The following KCNH8 variants were observed in gnomAD, a reference collection of about 807,000 sequenced individuals.
The protein encoded by KCNH8 is voltage-gated delayed rectifier potassium channel KCNH8.
In KCNH8, 70 loss-of-function variants were observed where a neutral mutation model predicts 103.6. The observed-to-expected ratio is 0.68, with a 90% CI of 0.56 to 0.82. The LOEUF (loss-of-function observed/expected upper bound fraction) is 0.82, where lower values mean the gene tolerates loss of function less well. Among genes scored for constraint, KCNH8 ranks in the 40% least tolerant of loss-of-function variants. KCNH8 has a pLI of 0.00. For missense variants in KCNH8, 1,217 were observed against 1,329.9 expected (o/e 0.92, Z 1.32); for synonymous variants, 498 against 489.4 (o/e 1.02, Z -0.23).
intron 11 of KCNH8, among the ~76,000 whole-genome samples, chr3:19,505,495 T>G (rs2125237360): frequency 6.6e-6 from 1 of 152,240 alleles, no homozygotes; most frequent in South Asian, 2.1e-4. Flanking sequence ...GGCCCACAAT[T>G]TCTCCTGGCT....
intron 1 of KCNH8, among the ~76,000 whole-genome samples, chr3:19,176,097 A>T (rs2063397165): frequency 6.6e-6 from 1 of 152,154 alleles, no homozygotes; most frequent in Non-Finnish European, 1.5e-5. Flanking sequence ...TTCTCAGAAA[A>T]TATGTCCAGC....
chr3:19,390,759 C>A (rs1238207623), intron 6 of KCNH8, 121 bp downstream of exon 6: 2 of 889,318 alleles, frequency 2.2e-6, no homozygotes, highest in Non-Finnish European at 3.4e-6. Flanking sequence ...AATAAAGATG[C>A]CCTGATGCCC....
rs1438415668 is a variant in KCNH8 at position 19,534,114 on chromosome 3, A to C, written c.*15A>C. 1 of 1,580,604 alleles carries C rather than the reference A, an allele frequency of 6.3e-7. No individual in the cohort carries two copies. Among genetic ancestry groups the C allele is most frequent in the Admixed American group, 1.7e-5 (1 of 59,246 alleles). On this transcript the variant is annotated 3_prime_UTR_variant, in exon 16 of 16. Coordinates refer to ENST00000328405, the MANE Select transcript of KCNH8 (RefSeq NM_144633.3). ...TAAATGTATGATATTAGTGCCCATG[A>C]TGCAGCAGCTAATTTCAAACCTACC...
intron 3 of KCNH8, among the ~76,000 whole-genome samples, chr3:19,328,881 G>A (rs1035606407): frequency 1.3e-5 from 2 of 151,898 alleles, no homozygotes; most frequent in Non-Finnish European, 2.9e-5. Flanking sequence ...TTTTCTTTTG[G>A]TGGGTGTTGC....
At chr3:19,253,303 T>C (rs1424992049) in intron 1 of KCNH8, among the ~76,000 whole-genome samples, 1 of 152,094 alleles carries the variant, frequency 6.6e-6, no homozygotes, top group Non-Finnish European at 1.5e-5. Context: ...AGTAACTTTT[T>C]CAAATTCACC....
At chr3:19,358,151 C>T (rs1480493254) in intron 5 of KCNH8, among the ~76,000 whole-genome samples, 2 of 148,494 alleles carry the variant, frequency 1.3e-5, no homozygotes, top group Non-Finnish European at 3.0e-5. Context: ...GGCCTTCCTT[C>T]CTTCCTTTCT....
intron 2 of KCNH8, among the ~76,000 whole-genome samples, chr3:19,261,631 A>G (rs1241065780): frequency 3.3e-5 from 5 of 151,756 alleles, no homozygotes; most frequent in Non-Finnish European, 5.9e-5. Flanking sequence ...TTGCTTTTGT[A>G]GACTGAATTT....
chr3:19,241,755 C>A lies in KCNH8; in HGVS notation c.77-11899C>A, dbSNP rs1055991231. Among the ~76,000 whole-genome samples, 7 of 151,328 alleles carry A rather than the reference C, an allele frequency of 4.6e-5. No individual in the cohort carries two copies. The South Asian group carries it at 1.5e-3, about 32-fold the overall frequency. On this transcript the variant is annotated intron_variant, in intron 1 of 15. Coordinates refer to ENST00000328405, the MANE Select transcript of KCNH8 (RefSeq NM_144633.3). ...ACACACACACACACACACACACATG[C>A]TTGATAGAAGAGAAACCATTCCTGA...
intron 7 of KCNH8, among the ~76,000 whole-genome samples, chr3:19,396,600 A>G (rs529305272): frequency 6.6e-6 from 1 of 152,198 alleles, no homozygotes; most frequent in East Asian, 1.9e-4. Flanking sequence ...AAATGGGGAA[A>G]TAAAACTACC....
rs150513064 is a variant in KCNH8, at chr3:19,415,744, A to T, written c.1177+20433A>T. ...TTCTTTAATGCAATGTAAAAACAACAATTACTTTTGCACCAAACTAATATA... is the reference window on the plus strand; with the variant it reads ...TTCTTTAATGCAATGTAAAAACAACTATTACTTTTGCACCAAACTAATATA... On this transcript the variant is annotated intron_variant, in intron 7 of 15. Transcript: ENST00000328405. Among the ~76,000 whole-genome samples the T allele has an allele frequency of 6.0e-3, 916 of 152,138 alleles. 5 individuals are homozygous for T. Among genetic ancestry groups the T allele is most frequent in the Middle Eastern group, 0.017 (5 of 294 alleles).
chr3:19,393,633 A>G (rs1053037673), intron 6 of KCNH8, among the ~76,000 whole-genome samples: 2 of 152,084 alleles, frequency 1.3e-5, no homozygotes, highest in Non-Finnish European at 2.9e-5. Flanking sequence ...TTTAAATAAC[A>G]GAATAGAGAT....
chr3:19,240,169 G>T (rs1225236171), intron 1 of KCNH8, among the ~76,000 whole-genome samples: 3 of 152,068 alleles, frequency 2.0e-5, no homozygotes, highest in African/African-American at 7.2e-5. Flanking sequence ...TCATTTGATG[G>T]TTTCTCCTGA....
intron 3 of KCNH8, among the ~76,000 whole-genome samples, chr3:19,291,197 C>T (rs2064918509): frequency 6.6e-6 from 1 of 152,094 alleles, no homozygotes. Flanking sequence ...AAAACCAGCT[C>T]CTGGATTCAT....
chr3:19,470,405 T>G (rs533566226), intron 11 of KCNH8, among the ~76,000 whole-genome samples: 6 of 152,358 alleles, frequency 3.9e-5, no homozygotes, highest in African/African-American at 1.2e-4. Flanking sequence ...TCAGTAGACT[T>G]GCCATCTTAT....
At chr3:19,451,807 A>G (rs1288599089) in intron 10 of KCNH8, among the ~76,000 whole-genome samples, 1 of 152,190 alleles carries the variant, frequency 6.6e-6, no homozygotes, top group Admixed American at 6.5e-5. Context: ...AGAACACAAA[A>G]ATTAAATTGT....
chr3:19,373,060 G>T (rs1339752063), intron 5 of KCNH8, among the ~76,000 whole-genome samples: 5 of 151,888 alleles, frequency 3.3e-5, no homozygotes, highest in Non-Finnish European at 5.9e-5. Context: ...AAGGATATTG[G>T]TCTAAAATTC....
chr3:19,490,240 G>C (rs2068289715), intron 11 of KCNH8, among the ~76,000 whole-genome samples: 1 of 152,174 alleles, frequency 6.6e-6, no homozygotes, highest in African/African-American at 2.4e-5. Flanking sequence ...AATGTAGCAG[G>C]ATGAGCTGCA....
intron 5 of KCNH8, among the ~76,000 whole-genome samples, chr3:19,368,570 G>A (rs1230156768): frequency 6.6e-6 from 1 of 151,928 alleles, no homozygotes; most frequent in Non-Finnish European, 1.5e-5. Context: ...ACAGACTAAA[G>A]GAAATTCATG....
In KCNH8 at chr3:19,510,496, A is replaced by ATCTT; in HGVS notation, c.2079+97_2079+100dup. ...TTTCTCTTCAGAATTTCATGTATTT[A>ATCTT]TCTTTTACTTTCCCTACTTGACTTC... On this transcript the variant is annotated intron_variant, in intron 12 of 15. Transcript: ENST00000328405. The ATCTT allele has an allele frequency of 3.6e-6, 3 of 822,882 alleles. No homozygotes were observed. In the South Asian group the frequency reaches 4.3e-5, roughly 12 times the overall value. The allele number at this position is 822,882 out of a possible 1,614,324, so 51.0% of individuals were successfully genotyped here.
Sources: allele counts gnomAD v4.1 joint callset (sites outside exome capture counted in the v4.1 genomes callset), GRCh38; gene constraint gnomAD v4.1.1; transcripts MANE v1.5; gene names NCBI Gene and HGNC (gene_info 2026-07-23, HGNC 2026-07-21).